The following JPH3 variants were observed in gnomAD, a reference collection of about 807,000 sequenced individuals.
The protein encoded by JPH3 is junctophilin 3, also known as junctophilin-3.
JPH3 carries 11 observed loss-of-function variants against 59.6 expected under a neutral mutation model. That is an observed-to-expected ratio of 0.18 (90% CI 0.12 to 0.31). The LOEUF is 0.31. Ranked by LOEUF, JPH3 falls within the 10% of genes least tolerant of loss-of-function variation. The pLI is 1.00. For missense variants in JPH3, 1,202 were observed against 1,105.7 expected, an observed-to-expected ratio of 1.09 and a Z score of -1.24; for synonymous variants, 673 against 483.6, an observed-to-expected ratio of 1.39 and a Z score of -5.14.
chr16:87,621,889 C>A (rs139902774), intron 1 of JPH3, among the ~76,000 whole-genome samples: 7 of 152,156 alleles, frequency 4.6e-5, no homozygotes, highest in Non-Finnish European at 1.0e-4. Context: ...GAGACCTGCA[C>A]CAAAATAATG....
chr16:87,644,146 C>G (rs549364495), intron 1 of JPH3, 112 bp from the exon 2 acceptor site: 5 of 1,203,564 alleles, frequency 4.2e-6, no homozygotes, highest in South Asian at 1.5e-5. Context: ...TCAAAAAACA[C>G]AAAACAACAG....
At position 87,604,263 on chromosome 16, in the gene JPH3, C is replaced by G. The variant is rs960256631; in HGVS notation, c.382+735C>G. ...AGATGCCACCGCATTCGGGGCAGAG[C>G]CGGGGCCGGAAGCCAGGGAGCTGCC... is the stretch of plus-strand genomic sequence containing the variant. On this transcript the variant is annotated intron_variant, in intron 1 of 4. Transcript: ENST00000284262. 2.1e-6 allele frequency: 3 copies of G among 1,455,796 alleles called. 1 individual carries two copies. The highest frequency in any genetic ancestry group is 2.7e-6 in the Non-Finnish European group (3 of 1,098,670). The allele number at this position is 1,455,796 out of a possible 1,614,324, so 90.2% of individuals were successfully genotyped here. A position where few individuals can be genotyped will look rare whatever the true frequency, so the allele number is the denominator to read the frequency against.
At chr16:87,624,259 A>C (rs1192982594) in intron 1 of JPH3, among the ~76,000 whole-genome samples, 1 of 152,166 alleles carries the variant, frequency 6.6e-6, no homozygotes, top group Non-Finnish European at 1.5e-5. Flanking sequence ...ACCATAATCA[A>C]TTTTAGAACA....
intron 1 of JPH3, among the ~76,000 whole-genome samples, chr16:87,616,198 G>T (rs1460796355): frequency 8.4e-6 from 1 of 118,430 alleles, no homozygotes; most frequent in African/African-American, 2.9e-5. Context: ...TTTTGTGTGT[G>T]TGTGTGTGTG....
chr16:87,633,882 A>G (rs1293375644), intron 1 of JPH3, among the ~76,000 whole-genome samples: 1 of 150,058 alleles, frequency 6.7e-6, no homozygotes, highest in Non-Finnish European at 1.5e-5. Flanking sequence ...TAATTTCTGA[A>G]AAACCATAAC....
At chr16:87,695,707 C>T (rs1339648439) in intron 4 of JPH3, 3 of 438,210 alleles carry the variant, frequency 6.8e-6, no homozygotes, top group African/African-American at 5.0e-5. Flanking sequence ...GGGAGCTTCC[C>T]AGAGGGGCCA....
At chr16:87,620,961 C>A (rs1216159783) in intron 1 of JPH3, among the ~76,000 whole-genome samples, 1 of 152,156 alleles carries the variant, frequency 6.6e-6, no homozygotes, top group Non-Finnish European at 1.5e-5. Flanking sequence ...AGTTTGAGAC[C>A]AGCTTGGCCA....
chr16:87,657,606 C>A (rs1418469986), intron 2 of JPH3, among the ~76,000 whole-genome samples: 1 of 151,428 alleles, frequency 6.6e-6, no homozygotes, highest in Non-Finnish European at 1.5e-5. Flanking sequence ...GAGAAAAACT[C>A]ATTTCTCTCA....
At chr16:87,642,831 G>A (rs2031999430) in intron 1 of JPH3, among the ~76,000 whole-genome samples, 2 of 152,246 alleles carry the variant, frequency 1.3e-5, no homozygotes, top group Admixed American at 1.3e-4. Flanking sequence ...CTGAGTCACA[G>A]CTCACAGAGC....
At chr16:87,613,139 T>C (rs1263559977) in intron 1 of JPH3, among the ~76,000 whole-genome samples, 4 of 138,556 alleles carry the variant, frequency 2.9e-5, no homozygotes, top group African/African-American at 1.1e-4. Flanking sequence ...CTCTGTCGCC[T>C]AGGCTGGAGT....
intron 1 of JPH3, among the ~76,000 whole-genome samples, chr16:87,606,948 G>A (rs1851713304): frequency 6.6e-6 from 1 of 152,134 alleles, no homozygotes; most frequent in Admixed American, 6.5e-5. Flanking sequence ...TTCCACACTG[G>A]GAAGTGGAGG....
At chr16:87,650,805 G>T (rs569012900) in intron 2 of JPH3, among the ~76,000 whole-genome samples, 1 of 152,242 alleles carries the variant, frequency 6.6e-6, no homozygotes, top group African/African-American at 2.4e-5. Context: ...ACGAGCAGAG[G>T]CTGGTTCATC....
chr16:87,627,661 A>AT (rs111920944), intron 1 of JPH3, among the ~76,000 whole-genome samples: 15 of 152,058 alleles, frequency 9.9e-5, no homozygotes, highest in Admixed American at 4.6e-4. Flanking sequence ...GGAGGGAATG[A>AT]TTTTTTATCC....
chr16:87,628,189 C>A (rs1490455911), intron 1 of JPH3, among the ~76,000 whole-genome samples: 1 of 152,258 alleles, frequency 6.6e-6, no homozygotes, highest in Non-Finnish European at 1.5e-5. Context: ...GCAGGACGCC[C>A]AGGTCTCCTG....
intron 1 of JPH3, among the ~76,000 whole-genome samples, chr16:87,626,939 A>G (rs2031400077): frequency 2.0e-5 from 3 of 152,352 alleles, no homozygotes; most frequent in Admixed American, 2.0e-4. Flanking sequence ...CCAGGAGTTC[A>G]AGACCAGCCT....
At chr16:87,654,274 C>T (rs1048486658) in intron 2 of JPH3, 5 of 152,226 alleles carry the variant, frequency 3.3e-5, no homozygotes, top group East Asian at 1.9e-4. Context: ...AACTCCCAGA[C>T]GGGGTTGGCT....
At chr16:87,694,763 T>C (rs2033740482) in intron 4 of JPH3, 1 of 173,832 alleles carries the variant, frequency 5.8e-6, no homozygotes, top group Non-Finnish European at 1.2e-5. Flanking sequence ...CAATTCTATC[T>C]AGATCAGCTC....
At position 87,679,678 on chromosome 16, in the gene JPH3, C is replaced by T. The variant is rs929521498; in HGVS notation, c.1161-4464C>T. On this transcript the variant is annotated intron_variant, in intron 2 of 4. Coordinates refer to ENST00000284262, the MANE Select transcript of JPH3 (RefSeq NM_020655.4). ...GTCGTGCCGGCTCTCCGTGTGTGCA[C>T]GTGTGGGTCTGGGCTGGGTGTTGAC... 6.6e-5 allele frequency among the ~76,000 whole-genome samples: 10 copies of T among 152,222 alleles called. No homozygotes were observed. In the South Asian group the frequency reaches 8.3e-4, roughly 13 times the overall value.
intron 2 of JPH3, among the ~76,000 whole-genome samples, chr16:87,676,818 A>G (rs967034993): frequency 1.3e-5 from 2 of 151,376 alleles, no homozygotes; most frequent in African/African-American, 2.4e-5. Context: ...AGTGGATCAC[A>G]TGAGGTCAGG....
Sources: allele counts gnomAD v4.1 joint callset (sites outside exome capture counted in the v4.1 genomes callset), GRCh38; gene constraint gnomAD v4.1.1; transcripts MANE v1.5; gene names NCBI Gene and HGNC (gene_info 2026-07-23, HGNC 2026-07-21).